ULK4: variants seen among roughly 807,000 people sequenced by gnomAD.
The protein encoded by ULK4 is unc-51 like kinase 4.
Under a neutral mutation model 160.6 loss-of-function variants are expected in ULK4, and 133 were observed. That is an observed-to-expected ratio of 0.83 (90% CI 0.72 to 0.96). The LOEUF is 0.96. ULK4 is among the 40% of genes least tolerant of loss of function. The pLI is 0.00. For missense variants in ULK4, 1,580 were observed against 1,499.5 expected (o/e 1.05, Z -0.89); for synonymous variants, 534 against 539.8 (o/e 0.99, Z 0.15).
At chr3:41,757,758 T>C (rs1182978283) in intron 21 of ULK4, among the ~76,000 whole-genome samples, 1 of 151,412 alleles carries the variant, frequency 6.6e-6, no homozygotes, top group African/African-American at 2.4e-5. Flanking sequence ...CTCAGCCTCC[T>C]GAGTAGCTGG....
At chr3:41,297,388 A>G (rs2079690975) in intron 35 of ULK4, among the ~76,000 whole-genome samples, 1 of 152,240 alleles carries the variant, frequency 6.6e-6, no homozygotes, top group African/African-American at 2.4e-5. Context: ...CTAATGCTCC[A>G]TGTGAGGATC....
intron 17 of ULK4, among the ~76,000 whole-genome samples, chr3:41,865,856 A>G (rs1020399122): frequency 1.3e-5 from 2 of 152,222 alleles, no homozygotes; most frequent in Non-Finnish European, 2.9e-5. Context: ...CACACGAGAA[A>G]AACTCTGTGA....
At chr3:41,598,240 T>C (rs2125656541) in intron 31 of ULK4, among the ~76,000 whole-genome samples, 1 of 152,348 alleles carries the variant, frequency 6.6e-6, no homozygotes, top group South Asian at 2.1e-4. Context: ...CCCAGTCATC[T>C]ACCTAAAACA....
intron 18 of ULK4, among the ~76,000 whole-genome samples, chr3:41,825,823 T>A (rs1017361690): frequency 6.6e-6 from 1 of 152,122 alleles, no homozygotes; most frequent in African/African-American, 2.4e-5. Flanking sequence ...ACAAAAATGC[T>A]TCTCAAGAAG....
At chr3:41,672,482 G>C (rs988817678) in intron 29 of ULK4, among the ~76,000 whole-genome samples, 5 of 152,118 alleles carry the variant, frequency 3.3e-5, no homozygotes, top group African/African-American at 1.2e-4. Context: ...CTTATATGTG[G>C]AAGCCAAAAA....
At chr3:41,650,734 G>A (rs60686425) in intron 30 of ULK4, among the ~76,000 whole-genome samples, 12 of 152,200 alleles carry the variant, frequency 7.9e-5, no homozygotes, top group Admixed American at 7.9e-4. Flanking sequence ...CAAAACTCAG[G>A]CGAAGGCGCC....
chr3:41,631,797 T>C (rs539004718), intron 30 of ULK4, among the ~76,000 whole-genome samples: 4 of 152,100 alleles, frequency 2.6e-5, no homozygotes, highest in African/African-American at 9.6e-5. Flanking sequence ...AGGACTCTTT[T>C]ATGAAGCACC....
chr3:41,705,389 T>C, intron 25 of ULK4, 84 bp from the exon 26 acceptor site: 2 of 974,700 alleles, frequency 2.1e-6, no homozygotes, highest in Admixed American at 2.4e-5. Flanking sequence ...TGCCCAAAAC[T>C]GTACCTATTG....
At chr3:41,247,051 CCCTT>C in intron 36 of ULK4, 59 bp from the exon 37 acceptor site, 1 of 1,551,162 alleles carries the variant, frequency 6.4e-7, no homozygotes, top group South Asian at 1.2e-5. Flanking sequence ...AAGTGCTCCC[CCCTT>C]TCAAAGGGGC....
chr3:41,632,754 T>G (rs2033800575), intron 30 of ULK4, among the ~76,000 whole-genome samples: 2 of 151,494 alleles, frequency 1.3e-5, no homozygotes, highest in South Asian at 4.2e-4. Context: ...AAAAACCTCA[T>G]AGTTAGACAT....
At chr3:41,770,302 G>A (rs946314990) in intron 21 of ULK4, among the ~76,000 whole-genome samples, 1 of 152,058 alleles carries the variant, frequency 6.6e-6, no homozygotes, top group Non-Finnish European at 1.5e-5. Flanking sequence ...ATTAATCACT[G>A]TTGTGTTACA....
chr3:41,772,554 G>T (rs567466453), intron 21 of ULK4, among the ~76,000 whole-genome samples: 2 of 152,194 alleles, frequency 1.3e-5, no homozygotes, highest in African/African-American at 2.4e-5. Context: ...CCAATAACAG[G>T]ATCTGAAATT....
chr3:41,719,746 GCA>G lies in ULK4; in HGVS notation c.2322-1887_2322-1886del, dbSNP rs1256141088. On this transcript the variant is annotated intron_variant, in intron 22 of 36. Transcript: ENST00000301831. ...CTTCTACTCTGCCACTCTAATCCTT[GCA>G]CACTCTACATCTAAACTAATCTTGT... Among the ~76,000 whole-genome samples the G allele has an allele frequency of 5.9e-5, 9 of 152,178 alleles. 1 individual carries two copies. The highest frequency in any genetic ancestry group is 1.7e-4 in the African/African-American group (7 of 41,518).
At chr3:41,303,365 G>A (rs542949428) in intron 35 of ULK4, among the ~76,000 whole-genome samples, 1 of 152,282 alleles carries the variant, frequency 6.6e-6, no homozygotes, top group Non-Finnish European at 1.5e-5. Context: ...GTTCACGCTA[G>A]AGTATTAATT....
chr3:41,879,068 A>G (rs140479805), intron 17 of ULK4, among the ~76,000 whole-genome samples: 111 of 152,348 alleles, frequency 7.3e-4, no homozygotes, highest in Non-Finnish European at 1.6e-4. Flanking sequence ...GTCTGTAACA[A>G]ATAAATGACA....
intron 35 of ULK4, among the ~76,000 whole-genome samples, chr3:41,364,516 T>C (rs887080506): frequency 6.6e-6 from 1 of 152,230 alleles, no homozygotes; most frequent in Non-Finnish European, 1.5e-5. Flanking sequence ...ATCAATATTT[T>C]TTTTTCCTGG....
At chr3:41,454,938 C>T (rs897164981) in intron 34 of ULK4, among the ~76,000 whole-genome samples, 7 of 152,100 alleles carry the variant, frequency 4.6e-5, no homozygotes, top group Non-Finnish European at 8.8e-5. Flanking sequence ...TTCAAATGAT[C>T]CACTCACCTT....
chr3:41,750,063 G>A (rs796174255), intron 22 of ULK4, among the ~76,000 whole-genome samples: 45 of 152,282 alleles, frequency 3.0e-4, no homozygotes, highest in East Asian at 5.8e-4. Flanking sequence ...AGAGGACTCC[G>A]AGCCTCAACT....
intron 17 of ULK4, among the ~76,000 whole-genome samples, chr3:41,879,142 C>T (rs948534206): frequency 2.0e-5 from 3 of 151,882 alleles, no homozygotes; most frequent in African/African-American, 4.8e-5. Context: ...GCAATCCTGG[C>T]TCAAAGAAAA....
Sources: gnomAD v4.1 joint callset for allele counts (sites outside exome capture counted in the v4.1 genomes callset) on GRCh38, gnomAD v4.1.1 for gene constraint, MANE v1.5 for transcripts, NCBI Gene and HGNC (gene_info 2026-07-23, HGNC 2026-07-21) for gene names.